Variants in TTLL10 observed in about 807,000 individuals in gnomAD.
TTLL10 encodes the protein inactive polyglycylase TTLL10.
Under a neutral mutation model 69.0 loss-of-function variants are expected in TTLL10, and 61 were observed. The ratio of observed to expected loss-of-function variants is 0.88; its 90% CI spans 0.72 to 1.09. The LOEUF (loss-of-function observed/expected upper bound fraction) is 1.09, where lower values mean the gene tolerates loss of function less well. Among genes scored for constraint, TTLL10 ranks in the 50% least tolerant of loss-of-function variants. The probability of loss-of-function intolerance (pLI) is 0.00; values close to 1 mark genes in which losing one functional copy is unlikely to be tolerated. For missense variants in TTLL10, 962 were observed against 945.9 expected, an observed-to-expected ratio of 1.02 and a Z score of -0.22; for synonymous variants, 408 against 393.3, an observed-to-expected ratio of 1.04 and a Z score of -0.44.
chr1:1,178,959 G>A (rs573660481), intron 3 of TTLL10, among the ~76,000 whole-genome samples: 2 of 152,224 alleles, frequency 1.3e-5, no homozygotes, highest in African/African-American at 4.8e-5. Flanking sequence ...GGCCAGGGAG[G>A]ACATGCCCGG....
chr1:1,176,440 T>G (rs1470784433), intron 3 of TTLL10: 6 of 454,124 alleles, frequency 1.3e-5, no homozygotes, highest in Admixed American at 9.4e-5. Flanking sequence ...TCACAGCTGC[T>G]GCATCTTTTC....
At chr1:1,182,025 C>T (rs555453885) in intron 9 of TTLL10, among the ~76,000 whole-genome samples, 132 of 152,360 alleles carry the variant, frequency 8.7e-4, no homozygotes, top group Non-Finnish European at 1.5e-3. Context: ...GCCACGCTCT[C>T]CGCCCATCCC....
chr1:1,179,588 C>T (rs1212586539), intron 4 of TTLL10, 69 bp from the exon 5 acceptor site: 2 of 1,546,128 alleles, frequency 1.3e-6, no homozygotes, highest in Non-Finnish European at 8.7e-7. Flanking sequence ...CCCCTCGTCT[C>T]CCGGCCTGAC....
intron 3 of TTLL10, chr1:1,175,173 CTTA>C (rs1646835292): frequency 1.9e-5 from 3 of 161,068 alleles, no homozygotes; most frequent in Admixed American, 1.1e-4. Flanking sequence ...CAGCTCACAA[CTTA>C]TTTAGTTATT....
chr1:1,182,251 G>C (rs1030516663), intron 9 of TTLL10, 110 bp from the exon 10 acceptor site: 1 of 928,356 alleles, frequency 1.1e-6, no homozygotes, highest in Non-Finnish European at 1.8e-6. Flanking sequence ...CGGGCGCCAG[G>C]TGCCACTGCC....
rs1647163239 is a variant in TTLL10 at position 1,183,983 on chromosome 1, T to G, written c.1152T>G (p.Ile384Met). The change falls in exon 12 of 16, where the codon ATT becomes ATG. Residue 384 changes from isoleucine to methionine, a missense_variant. Transcript: ENST00000379289. ...TTGACGTGCGCTCCTACCTGCTCAT[T>G]GCCTGCACCACACCCTACATGATCT... ...RKFDVRSYLL[I>M]ACTTPYMIFF... 1 of 1,614,086 alleles carries G rather than the reference T, an allele frequency of 6.2e-7. No homozygotes were observed. The highest frequency in any genetic ancestry group is 1.3e-5 in the African/African-American group (1 of 74,928).
chr1:1,184,547 G>C (rs1407826908), intron 12 of TTLL10, among the ~76,000 whole-genome samples: 2 of 152,216 alleles, frequency 1.3e-5, no homozygotes, highest in African/African-American at 4.8e-5. Flanking sequence ...CGGCTGAAGG[G>C]GGGTCTCAGC....
chr1:1,196,972 G>A, intron 14 of TTLL10, 121 bp from the exon 15 acceptor site: 1 of 998,222 alleles, frequency 1.0e-6, no homozygotes, highest in Non-Finnish European at 1.5e-6. Flanking sequence ...AAACAGGGGA[G>A]CAAGGCTATA....
chr1:1,177,318 CT>C (rs546851646), intron 3 of TTLL10, among the ~76,000 whole-genome samples: 29 of 147,292 alleles, frequency 2.0e-4, no homozygotes, highest in East Asian at 2.0e-4. Flanking sequence ...GTGTGTCATT[CT>C]TTTTTTTTTT....
intron 13 of TTLL10, among the ~76,000 whole-genome samples, chr1:1,195,044 A>C (rs970578962): frequency 6.6e-6 from 1 of 152,080 alleles, no homozygotes; most frequent in Non-Finnish European, 1.5e-5. Context: ...GATGGAGTGC[A>C]GTGGTGCAAT....
intron 3 of TTLL10, among the ~76,000 whole-genome samples, chr1:1,178,827 C>G (rs1646950346): frequency 1.3e-5 from 2 of 152,330 alleles, no homozygotes; most frequent in East Asian, 3.9e-4. Flanking sequence ...GACCCCTGCT[C>G]AGGCCAAGGA....
At chr1:1,182,843 C>G in intron 10 of TTLL10, 33 bp from the exon 11 acceptor site, 7 of 1,522,798 alleles carry the variant, frequency 4.6e-6, no homozygotes, top group Non-Finnish European at 5.3e-6. Context: ...GGGTTGGGGG[C>G]GAGGCCAGGG....
chr1:1,189,041 G>A (rs1249174583), intron 13 of TTLL10, among the ~76,000 whole-genome samples: 8 of 151,968 alleles, frequency 5.3e-5, no homozygotes, highest in Admixed American at 4.6e-4. Flanking sequence ...TATTAGCTCC[G>A]TGTGTGTGTG....
At chr1:1,194,025 C>T (rs975777305) in intron 13 of TTLL10, among the ~76,000 whole-genome samples, 3 of 152,022 alleles carry the variant, frequency 2.0e-5, no homozygotes, top group Admixed American at 2.0e-4. Context: ...TGGGAGTGTG[C>T]ACCTGTAGTC....
chr1:1,185,031 A>G lies in TTLL10; in HGVS notation c.1323A>G (p.Glu441=), dbSNP rs1647216569. The change falls in exon 13 of 16, where the codon GAA becomes GAG. Residue 441 remains glutamate (E), a synonymous_variant. Transcript: ENST00000379289. This position sits in a 1 kb window ranked among gnomAD's most constrained non-coding sequence, Gnocchi z 6.1. ...AGGAGCACACGGTGTGGAGCATGGA[A>G]CACCTCAACCGCTACATCAGTGACA... The part of the protein sequence containing the change: ...LLKEHTVWSM[E]HLNRYISDTF... 6.2e-7 allele frequency: 1 copy of G among 1,613,902 alleles called. No individual in the cohort carries two copies. The highest frequency in any genetic ancestry group is 8.5e-7 in the Non-Finnish European group (1 of 1,180,006).
intron 13 of TTLL10, among the ~76,000 whole-genome samples, chr1:1,189,295 TTAAG>T (rs1647570809): frequency 2.0e-5 from 3 of 152,222 alleles, no homozygotes; most frequent in Admixed American, 2.0e-4. Context: ...TCCTAATTGG[TTAAG>T]TGTTTTTTGT....
chr1:1,182,813 G>T (rs1044419258), intron 10 of TTLL10, 63 bp from the exon 11 acceptor site: 1 of 1,495,736 alleles, frequency 6.7e-7, no homozygotes, highest in Non-Finnish European at 9.0e-7. Context: ...TCCTGGTCGG[G>T]CCCTAGGAGG....
chr1:1,179,650 C>T lies in TTLL10; in HGVS notation c.119-7C>T. ...TCATCATGGACATTGTGACCCCTGC[C>T]CTCCAGGGACCATCCCTGCGTCACG... On this transcript the variant is annotated splice_region_variant and splice_polypyrimidine_tract_variant and intron_variant, in intron 4 of 15. Coordinates refer to ENST00000379289, the MANE Select transcript of TTLL10 (RefSeq NM_001130045.2). 1 of 1,550,944 alleles carries T rather than the reference C, an allele frequency of 6.4e-7. No individual in the cohort carries two copies. Among genetic ancestry groups the T allele is most frequent in the Non-Finnish European group, 8.7e-7 (1 of 1,146,844 alleles).
intron 11 of TTLL10, 106 bp from the exon 12 acceptor site, chr1:1,183,814 A>T: frequency 1.4e-6 from 2 of 1,436,518 alleles, no homozygotes; most frequent in Non-Finnish European, 1.9e-6. Context: ...CCTGGGACAG[A>T]GGCGGGGCGC....
Sources: allele counts gnomAD v4.1 joint callset (sites outside exome capture counted in the v4.1 genomes callset), GRCh38; gene constraint gnomAD v4.1.1; non-coding constraint Gnocchi (gnomAD v3.1); transcripts MANE v1.5; gene names NCBI Gene and HGNC (gene_info 2026-07-23, HGNC 2026-07-21).